The following TBC1D22A variants were observed in gnomAD, a reference collection of about 807,000 sequenced individuals.
TBC1D22A encodes putative GTPase activator.
TBC1D22A carries 38 observed loss-of-function variants against 60.2 expected under a neutral mutation model. That is an observed-to-expected ratio of 0.63 (90% CI 0.49 to 0.83). TBC1D22A has a LOEUF of 0.83. Ranked by LOEUF, TBC1D22A falls within the 40% of genes least tolerant of loss-of-function variation. TBC1D22A has a pLI of 0.00. For missense variants in TBC1D22A, 628 were observed against 701.0 expected (o/e 0.90, Z 1.18); for synonymous variants, 302 against 281.7 (o/e 1.07, Z -0.72).
chr22:47,127,986 C>CG (rs1209282890), intron 12 of TBC1D22A, among the ~76,000 whole-genome samples: 2 of 117,664 alleles, frequency 1.7e-5, no homozygotes, highest in Non-Finnish European at 3.6e-5. Flanking sequence ...ACCCATCCCC[C>CG]CATCCTCCCT....
intron 12 of TBC1D22A, among the ~76,000 whole-genome samples, chr22:47,162,685 GGGAATGGGACTGCGGACCCGGTGCA>G: frequency 2.8e-5 from 1 of 35,202 alleles, no homozygotes. Context: ...GGAGAGTCGT[GGGAATGGGACTGCGGACCCGGTGCA>G]GGGAGAGTCG....
At chr22:47,024,461 T>C (rs886372424) in intron 10 of TBC1D22A, among the ~76,000 whole-genome samples, 2 of 152,184 alleles carry the variant, frequency 1.3e-5, no homozygotes, top group African/African-American at 4.8e-5. Flanking sequence ...AACTGTGTCC[T>C]TCACTCGAGG....
chr22:46,904,875 C>T lies in TBC1D22A; in HGVS notation c.901-7199C>T, dbSNP rs527822257. Among the ~76,000 whole-genome samples the T allele has an allele frequency of 1.7e-4, 26 of 149,912 alleles. No individual in the cohort carries two copies. The South Asian group carries it at 2.8e-3, about 16-fold the overall frequency. On this transcript the variant is annotated intron_variant, in intron 7 of 12. Transcript: ENST00000337137. ...CTGCCAGCTCCACCTCCCGGGTTCG[C>T]GCCATTCTTCTGCCTCAGCCTCCTG...
chr22:46,874,188 T>C (rs942597936), intron 4 of TBC1D22A, among the ~76,000 whole-genome samples: 6 of 152,220 alleles, frequency 3.9e-5, no homozygotes, highest in African/African-American at 1.4e-4. Context: ...CTCTCATTGA[T>C]GGGCATTTAG....
At chr22:46,941,511 G>A (rs1461134597) in intron 8 of TBC1D22A, among the ~76,000 whole-genome samples, 2 of 137,694 alleles carry the variant, frequency 1.5e-5, no homozygotes, top group African/African-American at 2.7e-5. Context: ...ATATATATAC[G>A]GAATATATAT....
intron 12 of TBC1D22A, among the ~76,000 whole-genome samples, chr22:47,139,904 A>G (rs1434586483): frequency 2.0e-5 from 3 of 152,236 alleles, no homozygotes; most frequent in Non-Finnish European, 4.4e-5. Flanking sequence ...AGTCCACATC[A>G]TGTGACTGCT....
At chr22:47,096,603 C>G (rs1179377747) in intron 11 of TBC1D22A, among the ~76,000 whole-genome samples, 1 of 152,144 alleles carries the variant, frequency 6.6e-6, no homozygotes, top group Non-Finnish European at 1.5e-5. Flanking sequence ...AGGCAGATCA[C>G]TTGAGGCCAG....
At chr22:46,857,873 C>T (rs1011990497) in intron 4 of TBC1D22A, among the ~76,000 whole-genome samples, 1 of 152,316 alleles carries the variant, frequency 6.6e-6, no homozygotes, top group East Asian at 1.9e-4. Flanking sequence ...TATTCATCCA[C>T]TCTTAGTGAA....
chr22:46,876,827 A>G (rs150766384), intron 4 of TBC1D22A, among the ~76,000 whole-genome samples: 8 of 152,336 alleles, frequency 5.3e-5, no homozygotes, highest in African/African-American at 1.7e-4. Flanking sequence ...GCAGGGAAGC[A>G]TGGTTACTTT....
At chr22:47,125,848 G>A (rs1005288447) in intron 12 of TBC1D22A, among the ~76,000 whole-genome samples, 4 of 152,232 alleles carry the variant, frequency 2.6e-5, no homozygotes, top group African/African-American at 9.6e-5. Context: ...GGCTCCTGGA[G>A]CAGCCAACAT....
chr22:47,169,669 C>T (rs2068355891), intron 12 of TBC1D22A, among the ~76,000 whole-genome samples: 1 of 152,160 alleles, frequency 6.6e-6, no homozygotes, highest in Non-Finnish European at 1.5e-5. Flanking sequence ...TCCACGCTGC[C>T]CTCTGGCTGT....
chr22:47,064,551 T>C (rs1455694192), intron 11 of TBC1D22A, among the ~76,000 whole-genome samples: 2 of 152,240 alleles, frequency 1.3e-5, no homozygotes, highest in African/African-American at 4.8e-5. Context: ...GAATGCACTG[T>C]CATTAAACGT....
intron 1 of TBC1D22A, among the ~76,000 whole-genome samples, chr22:46,770,656 G>A (rs372981590): frequency 3.9e-5 from 6 of 152,216 alleles, no homozygotes; most frequent in East Asian, 3.8e-4. Flanking sequence ...AAGTCAGCTC[G>A]GAGGGTTCTT....
chr22:46,787,659 A>G (rs1409072484), intron 1 of TBC1D22A, among the ~76,000 whole-genome samples: 1 of 152,230 alleles, frequency 6.6e-6, no homozygotes, highest in Admixed American at 6.5e-5. Flanking sequence ...AATGTGCAGA[A>G]TAATACTGTA....
intron 12 of TBC1D22A, among the ~76,000 whole-genome samples, chr22:47,137,510 T>C (rs2066918987): frequency 6.6e-6 from 1 of 152,150 alleles, no homozygotes; most frequent in African/African-American, 2.4e-5. Flanking sequence ...GGGGCAGCTT[T>C]CCTAGGTCTC....
intron 11 of TBC1D22A, among the ~76,000 whole-genome samples, chr22:47,053,095 C>T (rs2063281080): frequency 6.6e-6 from 1 of 151,900 alleles, no homozygotes; most frequent in Admixed American, 6.6e-5. Flanking sequence ...GCATCGTGCC[C>T]ACCACCAGCC....
At chr22:47,065,008 G>A (rs997394622) in intron 11 of TBC1D22A, among the ~76,000 whole-genome samples, 3 of 152,078 alleles carry the variant, frequency 2.0e-5, no homozygotes, top group Non-Finnish European at 4.4e-5. Context: ...TTTTGAGACG[G>A]AGTCTCACTC....
At chr22:46,931,302 G>C (rs1007661560) in intron 8 of TBC1D22A, among the ~76,000 whole-genome samples, 5 of 152,178 alleles carry the variant, frequency 3.3e-5, no homozygotes, top group African/African-American at 4.8e-5. Context: ...CAGAGAACAA[G>C]TTCTATTTCT....
rs374006209 is a variant in TBC1D22A at position 47,028,153 on chromosome 22, T to C, written c.1202-8918T>C. On this transcript the variant is annotated intron_variant, in intron 10 of 12. Coordinates refer to ENST00000337137, the MANE Select transcript of TBC1D22A (RefSeq NM_014346.5). The surrounding 1 kb of genome is among the most constrained non-coding windows in gnomAD (Gnocchi z 4.4). ...CAGTGCCATGTAGCTCTAGAAGAAG[T>C]TGTATTTTAGATTATGTTACTGTCA... is the stretch of plus-strand genomic sequence containing the variant. Among the ~76,000 whole-genome samples, 6 of 152,320 alleles carry C rather than the reference T, an allele frequency of 3.9e-5. No individual in the cohort carries two copies. The East Asian group carries it at 9.6e-4, about 24-fold the overall frequency.
Sources: allele counts gnomAD v4.1 joint callset (sites outside exome capture counted in the v4.1 genomes callset), GRCh38; gene constraint gnomAD v4.1.1; non-coding constraint Gnocchi (gnomAD v3.1); transcripts MANE v1.5; gene names NCBI Gene and HGNC (gene_info 2026-07-23, HGNC 2026-07-21).